The following ZNF695 variants were observed in gnomAD, a reference collection of about 807,000 sequenced individuals.
ZNF695 encodes zinc finger protein SBZF3.
A neutral mutation model predicts 11.2 loss-of-function variants in ZNF695; 11 were observed. The observed-to-expected ratio is 0.98, with a 90% CI of 0.62 to 1.62. The LOEUF (loss-of-function observed/expected upper bound fraction) is 1.62, where lower values mean the gene tolerates loss of function less well. Among genes scored for constraint, ZNF695 ranks in the 40% most tolerant of loss-of-function variants. ZNF695 has a pLI of 0.00. For synonymous variants in ZNF695, 190 were observed against 201.4 expected (o/e 0.94, Z 0.48); for missense variants, 559 against 590.5 (o/e 0.95, Z 0.55).
chr1:246,974,670 C>T (rs1668513310), intron 4 of ZNF695, among the ~76,000 whole-genome samples: 1 of 152,162 alleles, frequency 6.6e-6, no homozygotes, highest in East Asian at 1.9e-4. Context: ...AGAAGCCTTG[C>T]TTCCCAGGAT....
intron 4 of ZNF695, chr1:246,969,651 T>G (rs971379210): frequency 1.1e-4 from 16 of 151,944 alleles, no homozygotes; most frequent in African/African-American, 3.6e-4. Context: ...CTCACATTGT[T>G]ATAAAGAACT....
At chr1:246,960,617 C>A (rs1668140020) in intron 5 of ZNF695, among the ~76,000 whole-genome samples, 2 of 152,138 alleles carry the variant, frequency 1.3e-5, no homozygotes, top group South Asian at 4.1e-4. Flanking sequence ...ATCATTTCTC[C>A]ATAGTTCAAG....
At chr1:246,959,795 G>T (rs371207516) in intron 5 of ZNF695, among the ~76,000 whole-genome samples, 17 of 152,120 alleles carry the variant, frequency 1.1e-4, no homozygotes, top group African/African-American at 3.9e-4. Context: ...GCCACATTCT[G>T]CACCAATGAT....
intron 3 of ZNF695, among the ~76,000 whole-genome samples, chr1:246,996,836 T>A (rs556854447): frequency 6.6e-6 from 1 of 152,238 alleles, no homozygotes; most frequent in East Asian, 1.9e-4. Flanking sequence ...CCTTAAAAAA[T>A]AGAATGGTGT....
intron 1 of ZNF695, among the ~76,000 whole-genome samples, chr1:247,005,436 A>C (rs1669503423): frequency 1.3e-5 from 2 of 152,178 alleles, no homozygotes; most frequent in South Asian, 4.1e-4. Context: ...TCATGCATGT[A>C]ATCTCAGCAC....
intron 5 of ZNF695, among the ~76,000 whole-genome samples, chr1:246,947,123 A>G (rs75322368): frequency 0.37 from 51,368 of 137,074 alleles, 10,347 homozygotes; most frequent in East Asian, 0.51. Flanking sequence ...CTGGGCGACA[A>G]AGCGAGACTC....
At chr1:246,963,309 T>C (rs1668208729) in intron 5 of ZNF695, among the ~76,000 whole-genome samples, 1 of 152,158 alleles carries the variant, frequency 6.6e-6, no homozygotes, top group African/African-American at 2.4e-5. Flanking sequence ...AAACTGGCCA[T>C]GTGCAGCGGC....
intron 3 of ZNF695, among the ~76,000 whole-genome samples, chr1:246,995,368 C>T (rs561718011): frequency 6.6e-6 from 1 of 152,180 alleles, no homozygotes; most frequent in Non-Finnish European, 1.5e-5. Flanking sequence ...ATGTTCATAT[C>T]ACCCAAGTGA....
intron 3 of ZNF695, among the ~76,000 whole-genome samples, chr1:246,993,411 AAAACAAAC>A (rs369768085): frequency 1.3e-5 from 2 of 152,068 alleles, no homozygotes; most frequent in South Asian, 2.1e-4. Flanking sequence ...TCTGTCTCAA[AAAACAAAC>A]AAACAAACAA....
rs71566679 is a variant in ZNF695 at position 246,980,178 on chromosome 1, T to TAA, written c.390+7945_390+7946dup. On this transcript the variant is annotated intron_variant, in intron 4 of 5. Coordinates refer to the ZNF695 transcript ENST00000487338. Reference sequence around the variant, plus strand: ...TGGACGACAGCCTGGACTCTGTATTTAAAAAAAAAAAAAAAAAAAAAAAAA... The same window carrying TAA: ...TGGACGACAGCCTGGACTCTGTATTTAAAAAAAAAAAAAAAAAAAAAAAAAAA... 1.8e-3 allele frequency among the ~76,000 whole-genome samples: 163 copies of TAA among 88,772 alleles called. 2 individuals carry two copies. Among genetic ancestry groups the TAA allele is most frequent in the African/African-American group, 5.4e-3 (113 of 20,884 alleles). 58.2% of individuals were successfully genotyped at this position (88,772 alleles called of 152,430 possible).
intron 3 of ZNF695, among the ~76,000 whole-genome samples, chr1:246,992,146 A>G (rs1323972349): frequency 6.6e-6 from 1 of 150,864 alleles, no homozygotes; most frequent in African/African-American, 2.5e-5. Context: ...CCTGGGTGAC[A>G]GAGCGAGACT....
rs1251549151 is a variant in ZNF695, at chr1:246,987,607, T to C, written c.908A>G (p.Lys303Arg). 6.2e-7 allele frequency: 1 copy of C among 1,602,612 alleles called. No homozygotes were observed. Among genetic ancestry groups the C allele is most frequent in the Non-Finnish European group, 8.5e-7 (1 of 1,175,798 alleles). Residue 303 changes from lysine (K) to arginine (R), a missense_variant, in exon 4 of 4, where the codon AAA becomes AGA. Coordinates refer to ENST00000339986, the MANE Select transcript of ZNF695 (RefSeq NM_020394.5). ...AAGGTATGGGAACAACTTAAAGGAT[T>C]TGCCACATTCTTCACATTTGTATGG... is the stretch of plus-strand genomic sequence containing the variant. Reference protein sequence around the residue: ...EKPYKCEECGKSFKLFPYLTQ... With the variant: ...EKPYKCEECGRSFKLFPYLTQ...
At chr1:246,992,118 C>T (rs988604338) in intron 3 of ZNF695, among the ~76,000 whole-genome samples, 1 of 151,586 alleles carries the variant, frequency 6.6e-6, no homozygotes, top group Non-Finnish European at 1.5e-5. Flanking sequence ...GAGCCGAGAT[C>T]GCGCCACTGC....
At position 247,007,886 on chromosome 1, in the gene ZNF695, A is replaced by G; in HGVS notation, c.3+20T>C. 6.5e-7 allele frequency: 1 copy of G among 1,549,860 alleles called. No homozygotes were observed. Among genetic ancestry groups the G allele is most frequent in the Non-Finnish European group, 8.7e-7 (1 of 1,143,652 alleles). ...ACCACCCCCTCTCCCTTCTCGGGAC[A>G]CCCTGCTCCGCACACTCACCATTTC... On this transcript the variant is annotated intron_variant, in intron 1 of 3. Transcript: ENST00000339986.
In ZNF695 at chr1:246,945,916, T is replaced by G. The variant is rs1405447145; in HGVS notation, c.489-89A>C. On this transcript the variant is annotated intron_variant, in intron 5 of 5. Transcript: ENST00000487338. ...TGCTGAGGTGTTAAACCGGTTCTGA[T>G]TGAAGACTTGGTTCCATTGGAGAAG... 2.7e-6 allele frequency: 4 copies of G among 1,485,474 alleles called. No homozygotes were observed. The East Asian group carries it at 9.9e-5, about 37-fold the overall frequency. 92.0% of individuals were successfully genotyped at this position (1,485,474 alleles called of 1,614,324 possible).
intron 3 of ZNF695, among the ~76,000 whole-genome samples, chr1:246,990,215 A>C (rs1296013586): frequency 1.3e-5 from 2 of 151,492 alleles, no homozygotes; most frequent in Non-Finnish European, 3.0e-5. Flanking sequence ...GAGAGAAAGA[A>C]AGACACTTTA....
At chr1:246,968,841 T>C (rs1572512944) in intron 4 of ZNF695, 1 of 152,520 alleles carries the variant, frequency 6.6e-6, no homozygotes, top group South Asian at 2.1e-4. Context: ...CTTTTAGCCA[T>C]GGCTGGAGCT....
Position 247,007,968 on chromosome 1 carries a change from C to T in ZNF695, c.-60G>A. The T allele has an allele frequency of 6.9e-7, 1 of 1,459,698 alleles. No homozygotes were observed. Among genetic ancestry groups the T allele is most frequent in the Non-Finnish European group, 9.1e-7 (1 of 1,094,666 alleles). 90.4% of individuals were successfully genotyped at this position (1,459,698 alleles called of 1,614,324 possible). ...TAAATCTCGCAATACCTGCAGGCCA[C>T]AGGGCGATGGAGCCTGCGGCAGTCA... On this transcript the variant is annotated 5_prime_UTR_variant, in exon 1 of 4. The change creates a new upstream start codon in the 5' untranslated region. Transcript: ENST00000339986.
intron 1 of ZNF695, among the ~76,000 whole-genome samples, chr1:247,006,083 G>A (rs1176586897): frequency 2.6e-5 from 4 of 151,952 alleles, no homozygotes; most frequent in African/African-American, 9.7e-5. Context: ...AAATTAGCCA[G>A]GCATAGTGGC....
Sources: allele counts gnomAD v4.1 joint callset (sites outside exome capture counted in the v4.1 genomes callset), GRCh38; gene constraint gnomAD v4.1.1; transcripts MANE v1.5; gene names NCBI Gene and HGNC (gene_info 2026-07-23, HGNC 2026-07-21).